The following OSTF1 variants were observed in gnomAD, a reference collection of about 807,000 sequenced individuals.
OSTF1 encodes osteoclast stimulating factor 1.
In OSTF1, 27 loss-of-function variants were observed where a neutral mutation model predicts 37.2. The ratio of observed to expected loss-of-function variants is 0.73; its 90% CI spans 0.54 to 1.00. OSTF1 has a LOEUF of 1.00. OSTF1 is among the 50% of genes least tolerant of loss of function. The pLI, the probability that OSTF1 is intolerant of heterozygous loss-of-function variation, is 0.00. For missense variants in OSTF1, 232 were observed against 253.8 expected (o/e 0.91, Z 0.58); for synonymous variants, 82 against 89.2 (o/e 0.92, Z 0.46).
At position 75,125,830 on chromosome 9, in the gene OSTF1, T is replaced by G. The variant is rs146026128; in HGVS notation, c.82-1739T>G. On this transcript the variant is annotated intron_variant, in intron 2 of 9. Coordinates refer to ENST00000346234, the MANE Select transcript of OSTF1 (RefSeq NM_012383.5). Reference sequence around the variant, plus strand: ...AATAAATTGCTAGTGCAGAATCATATTTACTGCTCTAGTCTGCTACTGAGA... The same window carrying G: ...AATAAATTGCTAGTGCAGAATCATAGTTACTGCTCTAGTCTGCTACTGAGA... Among the ~76,000 whole-genome samples the G allele has an allele frequency of 5.9e-4, 90 of 152,376 alleles. 1 individual carries two copies. Among genetic ancestry groups the G allele is most frequent in the African/African-American group, 2.1e-3 (88 of 41,588 alleles).
Position 75,124,687 on chromosome 9 carries a change from C to T in OSTF1, c.82-2882C>T, listed in dbSNP as rs539884766. The stretch of plus-strand genomic sequence containing the variant: ...ACCCATTAAACAGTTACTCCCTATT[C>T]CCCCTGACTTTATTGCTTATTTTTA... On this transcript the variant is annotated intron_variant, in intron 2 of 9. Transcript: ENST00000346234. 4.6e-5 allele frequency among the ~76,000 whole-genome samples: 7 copies of T among 152,308 alleles called. No individual in the cohort carries two copies. The East Asian group carries it at 1.2e-3, about 25-fold the overall frequency.
rs1409496917 is a variant in OSTF1, at chr9:75,128,446, ATATT to A, written c.132+829_132+832del. Among the ~76,000 whole-genome samples the A allele has an allele frequency of 4.5e-5, 4 of 89,620 alleles. 2 individuals carry two copies. Among genetic ancestry groups the A allele is most frequent in the African/African-American group, 1.8e-4 (4 of 21,672 alleles). The allele number at this position is 89,620 out of a possible 152,430, so 58.8% of individuals were successfully genotyped here. The stretch of plus-strand genomic sequence containing the variant: ...ATATATATTTTGTCCATATATATAT[ATATT>A]TTGTCCATATATATATATATTTTGT... On this transcript the variant is annotated intron_variant, in intron 3 of 9. Transcript: ENST00000346234.
intron 1 of OSTF1, among the ~76,000 whole-genome samples, chr9:75,102,264 C>G (rs1485963878): frequency 6.6e-6 from 1 of 152,168 alleles, no homozygotes; most frequent in Non-Finnish European, 1.5e-5. Flanking sequence ...TGTGATCTAC[C>G]ACACCCAGCC....
intron 1 of OSTF1, among the ~76,000 whole-genome samples, chr9:75,106,531 G>T (rs989561011): frequency 6.6e-6 from 1 of 151,518 alleles, no homozygotes; most frequent in African/African-American, 2.4e-5. Context: ...TGTAATCCCA[G>T]CTACTTGGGA....
intron 6 of OSTF1, among the ~76,000 whole-genome samples, 166 bp from the exon 7 acceptor site, chr9:75,134,180 A>G (rs1825808635): frequency 6.6e-6 from 1 of 152,192 alleles, no homozygotes; most frequent in Non-Finnish European, 1.5e-5. Flanking sequence ...AAATAATTCC[A>G]CTTTTTAGAT....
intron 2 of OSTF1, among the ~76,000 whole-genome samples, chr9:75,123,367 A>T (rs2118544104): frequency 6.6e-6 from 1 of 152,344 alleles, no homozygotes; most frequent in East Asian, 1.9e-4. Context: ...GAGCCTGCAG[A>T]GAGCCGAGAT....
intron 1 of OSTF1, among the ~76,000 whole-genome samples, chr9:75,111,384 C>T (rs890943804): frequency 2.6e-5 from 4 of 152,076 alleles, no homozygotes; most frequent in African/African-American, 7.2e-5. Context: ...TCTTCAGGGA[C>T]TGGGTGGGGT....
rs950432600 is a variant in OSTF1, at chr9:75,134,400, G to C, written c.408+5G>C. 1 of 1,501,932 alleles carries C rather than the reference G, an allele frequency of 6.7e-7. No homozygotes were observed. Among genetic ancestry groups the C allele is most frequent in the Non-Finnish European group, 9.2e-7 (1 of 1,084,004 alleles). 93.0% of individuals were successfully genotyped at this position (1,501,932 alleles called of 1,614,324 possible). ...AATATTGAACTGAACCAGCAGGTAA[G>C]ACTGCTTATTTGAAAATTATTTAAC... On this transcript the variant is annotated splice_donor_5th_base_variant and intron_variant, in intron 7 of 9. Transcript: ENST00000346234.
intron 1 of OSTF1, among the ~76,000 whole-genome samples, chr9:75,105,983 C>A (rs111474778): frequency 2.6e-5 from 4 of 152,266 alleles, no homozygotes; most frequent in African/African-American, 4.8e-5. Flanking sequence ...ATAAACAGAA[C>A]GCTCTTGTCA....
chr9:75,136,488 G>T (rs1358954454), intron 7 of OSTF1, among the ~76,000 whole-genome samples: 3 of 152,064 alleles, frequency 2.0e-5, no homozygotes, highest in Non-Finnish European at 4.4e-5. Context: ...TGCCTCCCGG[G>T]TTCAAGCTAT....
intron 1 of OSTF1, among the ~76,000 whole-genome samples, chr9:75,101,889 G>A (rs1825199243): frequency 6.6e-6 from 1 of 152,160 alleles, no homozygotes; most frequent in Admixed American, 6.5e-5. Flanking sequence ...TAAATAAAGG[G>A]CACATTTATA....
At chr9:75,098,419 C>A (rs1170568314) in intron 1 of OSTF1, among the ~76,000 whole-genome samples, 1 of 152,102 alleles carries the variant, frequency 6.6e-6, no homozygotes, top group Non-Finnish European at 1.5e-5. Context: ...CTACATAGGG[C>A]AGAATTTTTT....
rs1285661041 is a variant in OSTF1 at position 75,133,330 on chromosome 9, G to C, written c.287G>C (p.Arg96Thr). 1 of 1,612,996 alleles carries C rather than the reference G, an allele frequency of 6.2e-7. No individual in the cohort carries two copies. Among genetic ancestry groups the C allele is most frequent in the African/African-American group, 1.3e-5 (1 of 74,916 alleles). ...TGGTTGAGAGAGTGTTTGGACAACA[G>C]AGTGGGTGTTAATGGCTTAGACAAA... ...LSWLRECLDN[R>T]VGVNGLDKAG... The change falls in exon 6 of 10, where the codon AGA (arginine) becomes ACA (threonine). Residue 96 changes from arginine to threonine, a missense_variant. Physicochemically the swap from Arg to Thr is moderately conservative, Grantham distance 71 (BLOSUM62 -1). Transcript: ENST00000346234.
At chr9:75,112,814 C>A (rs1825414884) in intron 1 of OSTF1, among the ~76,000 whole-genome samples, 1 of 152,120 alleles carries the variant, frequency 6.6e-6, no homozygotes, top group Admixed American at 6.6e-5. Flanking sequence ...CGCTGCCTTC[C>A]CTCAAAGGAA....
chr9:75,091,081 C>CTTTTTT (rs35343834), intron 1 of OSTF1, among the ~76,000 whole-genome samples: 4 of 93,688 alleles, frequency 4.3e-5, no homozygotes, highest in East Asian at 3.0e-4. Context: ...GAAGTCTGCA[C>CTTTTTT]TTTTTTTTTT....
At chr9:75,127,023 C>T (rs1825673030) in intron 2 of OSTF1, among the ~76,000 whole-genome samples, 1 of 152,134 alleles carries the variant, frequency 6.6e-6, no homozygotes, top group South Asian at 2.1e-4. Flanking sequence ...AGCTCTTTAG[C>T]CTTATTAATG....
At chr9:75,106,991 A>AAAAG (rs201228788) in intron 1 of OSTF1, among the ~76,000 whole-genome samples, 5,978 of 142,098 alleles carry the variant, frequency 0.042, 179 homozygotes, top group African/African-American at 0.098. Context: ...AAAAAAGAAA[A>AAAAG]AAAAAAAAAA....
chr9:75,124,255 C>T (rs1825627512), intron 2 of OSTF1, among the ~76,000 whole-genome samples: 2 of 152,116 alleles, frequency 1.3e-5, no homozygotes, highest in Non-Finnish European at 2.9e-5. Flanking sequence ...ACCCCTCAAG[C>T]GTTTATCGTT....
intron 1 of OSTF1, among the ~76,000 whole-genome samples, chr9:75,116,641 T>C (rs1825495018): frequency 6.6e-6 from 1 of 151,872 alleles, no homozygotes; most frequent in South Asian, 2.1e-4. Flanking sequence ...TGGTATTTTC[T>C]TTTCTTTTGG....
Sources: allele counts gnomAD v4.1 joint callset (sites outside exome capture counted in the v4.1 genomes callset), GRCh38; gene constraint gnomAD v4.1.1; transcripts MANE v1.5; gene names NCBI Gene and HGNC (gene_info 2026-07-23, HGNC 2026-07-21).